The following SLC2A7 variants were observed in gnomAD, a reference collection of about 807,000 sequenced individuals.
The protein encoded by SLC2A7 is solute carrier family 2 member 7, also known as solute carrier family 2, facilitated glucose transporter member 7.
Under a neutral mutation model 50.5 loss-of-function variants are expected in SLC2A7, and 50 were observed. The observed-to-expected ratio is 0.99, with a 90% confidence interval of 0.79 to 1.25. SLC2A7 has a LOEUF of 1.25. Among genes scored for constraint, SLC2A7 ranks in the 50% most tolerant of loss-of-function variants. The pLI is 0.00. For missense variants in SLC2A7, 683 were observed against 679.1 expected, an observed-to-expected ratio of 1.01 and a Z score of -0.06; for synonymous variants, 308 against 300.4, an observed-to-expected ratio of 1.03 and a Z score of -0.26.
chr1:8,997,056 G>A, the SLC2A7 span, among the ~76,000 whole-genome samples: 1 of 152,128 alleles, frequency 6.6e-6, no homozygotes, highest in Non-Finnish European at 1.5e-5. Flanking sequence ...GGGATTACAG[G>A]TGTGAGCCAC....
downstream of SLC2A7, among the ~76,000 whole-genome samples, chr1:9,000,073 C>T (rs1273550356): frequency 6.6e-6 from 1 of 152,142 alleles, no homozygotes; most frequent in African/African-American, 2.4e-5. Context: ...CCTTAAGTAA[C>T]TTAAGGACCG....
chr1:9,006,005 A>G (rs1164513509), intron 10 of SLC2A7, among the ~76,000 whole-genome samples: 1 of 151,902 alleles, frequency 6.6e-6, no homozygotes, highest in Non-Finnish European at 1.5e-5. Context: ...CACCACAACA[A>G]CAGCAGCCAA....
chr1:9,011,025 A>C (rs1389841495), intron 8 of SLC2A7, among the ~76,000 whole-genome samples: 1 of 152,160 alleles, frequency 6.6e-6, no homozygotes, highest in African/African-American at 2.4e-5. Context: ...GGCCAGCATC[A>C]CCTGCCCTAA....
In SLC2A7 at chr1:9,018,283, T is replaced by C. The variant is rs1325856887; in HGVS notation, c.529A>G (p.Ile177Val). 1.2e-6 allele frequency: 2 copies of C among 1,614,156 alleles called. No individual in the cohort carries two copies. The highest frequency in any genetic ancestry group is 1.3e-5 in the African/African-American group (1 of 75,044). Reference sequence around the variant, plus strand: ...ATCTGTGCTAGGAAGACTCCAACGATGACGAAAACCTCGGTCATTGTTCCC... The same window carrying C: ...ATCTGTGCTAGGAAGACTCCAACGACGACGAAAACCTCGGTCATTGTTCCC... The part of the protein sequence containing the change: ...MVGTMTEVFV[I>V]VGVFLAQIFS... The change falls in exon 5 of 12, where the codon ATC becomes GTC. Residue 177 changes from isoleucine to valine, a missense_variant. Ile to Val is a conservative substitution (Grantham distance 29, BLOSUM62 3). Coordinates refer to ENST00000400906, the MANE Select transcript of SLC2A7 (RefSeq NM_207420.3).
intron 1 of SLC2A7, among the ~76,000 whole-genome samples, chr1:9,025,700 G>A (rs1449217366): frequency 1.3e-5 from 2 of 152,196 alleles, no homozygotes; most frequent in Admixed American, 6.5e-5. Context: ...CCCGGCAGTC[G>A]CCTGTGCTCA....
At chr1:9,005,623 T>G (rs1303656140) in intron 10 of SLC2A7, among the ~76,000 whole-genome samples, 1 of 151,734 alleles carries the variant, frequency 6.6e-6, no homozygotes, top group Admixed American at 6.6e-5. Context: ...CTGGCCAACA[T>G]GATGAAACCC....
intron 6 of SLC2A7, 112 bp downstream of exon 6, chr1:9,015,005 A>G: frequency 6.5e-7 from 1 of 1,529,074 alleles, no homozygotes; most frequent in Non-Finnish European, 8.8e-7. Context: ...CACCCCGTTC[A>G]GCTCCCAGCT....
intron 9 of SLC2A7, 113 bp from the exon 10 acceptor site, chr1:9,007,498 G>A: frequency 2.1e-6 from 2 of 968,522 alleles, no homozygotes; most frequent in Non-Finnish European, 3.1e-6. Context: ...TAGATGTCTG[G>A]GCACCTCCAT....
chr1:9,004,943 A>T, intron 10 of SLC2A7, 64 bp from the exon 11 acceptor site: 1 of 1,546,346 alleles, frequency 6.5e-7, no homozygotes, highest in Non-Finnish European at 8.8e-7. Context: ...GGCTGGCGGG[A>T]CGCGGCCCAC....
chr1:9,004,509 C>T (rs551029023), intron 11 of SLC2A7, among the ~76,000 whole-genome samples: 27 of 152,074 alleles, frequency 1.8e-4, no homozygotes, highest in African/African-American at 6.0e-4. Context: ...TTGAGCTCCG[C>T]GGACCAGAGC....
At chr1:9,004,382 C>A (rs1271717324) in intron 11 of SLC2A7, among the ~76,000 whole-genome samples, 5 of 149,570 alleles carry the variant, frequency 3.3e-5, no homozygotes, top group Non-Finnish European at 7.4e-5. Flanking sequence ...GGGTTTATGG[C>A]CTCTGTGCCC....
At chr1:8,994,512 C>T in the SLC2A7 span, among the ~76,000 whole-genome samples, 82 of 152,170 alleles carry the variant, frequency 5.4e-4, no homozygotes, top group Admixed American at 1.3e-3. Context: ...CACCTGACCC[C>T]GGAATGAAAC....
At position 9,023,098 on chromosome 1, in the gene SLC2A7, C is replaced by G. The variant is rs1640939178; in HGVS notation, c.151-20G>C. Reference sequence around the variant, plus strand: ...GAAGACCTGGAAAACATTGCCCCATCCACAGCTAAGAATATTGGGCAGTTC... The same window carrying G: ...GAAGACCTGGAAAACATTGCCCCATGCACAGCTAAGAATATTGGGCAGTTC... On this transcript the variant is annotated intron_variant, in intron 2 of 11. Transcript: ENST00000400906. The G allele has an allele frequency of 4.3e-6, 7 of 1,609,252 alleles. No individual in the cohort carries two copies. The highest frequency in any genetic ancestry group is 5.1e-6 in the Non-Finnish European group (6 of 1,176,532).
At chr1:9,024,865 T>TCCTACAGGCAAGATGGC (rs1640971195) in intron 2 of SLC2A7, 111 bp downstream of exon 2, 17 of 1,202,592 alleles carry the variant, frequency 1.4e-5, no homozygotes, top group African/African-American at 9.1e-5. Context: ...GGCAAGATGG[T>TCCTACAGGCAAGATGGC]GCCTCCTACA....
intron 5 of SLC2A7, among the ~76,000 whole-genome samples, chr1:9,015,810 A>G (rs1384488587): frequency 1.3e-5 from 2 of 150,996 alleles, no homozygotes; most frequent in Non-Finnish European, 2.9e-5. Context: ...TGCAACCTCA[A>G]TCTCCCAGGC....
the SLC2A7 span, among the ~76,000 whole-genome samples, chr1:8,994,543 G>A: frequency 6.6e-6 from 1 of 152,072 alleles, no homozygotes; most frequent in African/African-American, 2.4e-5. Context: ...AGCATTTACT[G>A]AACACCCACT....
At chr1:8,995,477 T>A in the SLC2A7 span, among the ~76,000 whole-genome samples, 3 of 151,004 alleles carry the variant, frequency 2.0e-5, no homozygotes, top group African/African-American at 7.3e-5. Flanking sequence ...CCAGGCACGG[T>A]GGCCTACTCC....
intron 4 of SLC2A7, among the ~76,000 whole-genome samples, chr1:9,018,955 G>T (rs918843451): frequency 6.6e-6 from 1 of 152,190 alleles, no homozygotes; most frequent in African/African-American, 2.4e-5. Context: ...GCCGAGACAG[G>T]AGGATCACTT....
chr1:9,023,571 C>T (rs1052734631), intron 2 of SLC2A7, among the ~76,000 whole-genome samples: 7 of 151,312 alleles, frequency 4.6e-5, no homozygotes, highest in African/African-American at 1.5e-4. Flanking sequence ...TGCGGCACTG[C>T]ACTCCAGCCT....
Sources: allele counts gnomAD v4.1 joint callset (sites outside exome capture counted in the v4.1 genomes callset), GRCh38; gene constraint gnomAD v4.1.1; transcripts MANE v1.5; gene names NCBI Gene and HGNC (gene_info 2026-07-23, HGNC 2026-07-21).